Variants in ADGRL3 observed in about 807,000 individuals in gnomAD.
ADGRL3 encodes the protein adhesion G protein-coupled receptor L3.
In ADGRL3, 62 loss-of-function variants were observed where a neutral mutation model predicts 153.5. That is an observed-to-expected ratio of 0.40 (90% CI 0.33 to 0.50). The LOEUF (loss-of-function observed/expected upper bound fraction) is 0.50. Ranked by LOEUF, ADGRL3 falls within the 20% of genes least tolerant of loss-of-function variation. ADGRL3 has a pLI of 0.47. For missense variants in ADGRL3, 1,641 were observed against 1,859.4 expected, an observed-to-expected ratio of 0.88 and a Z score of 2.16; for synonymous variants, 710 against 672.5, an observed-to-expected ratio of 1.06 and a Z score of -0.86.
chr4:61,948,526 A>G (rs1017549483), intron 17 of ADGRL3, among the ~76,000 whole-genome samples: 3 of 152,126 alleles, frequency 2.0e-5, no homozygotes, highest in Admixed American at 1.3e-4. Flanking sequence ...TCTCCCTGTT[A>G]TTTTGTATAA....
chr4:61,989,592 A>C (rs1221041449), intron 19 of ADGRL3, among the ~76,000 whole-genome samples: 1 of 152,076 alleles, frequency 6.6e-6, no homozygotes, highest in East Asian at 1.9e-4. Flanking sequence ...TCATCCAGAA[A>C]GCCAATGATT....
chr4:61,750,571 C>A (rs906764253), intron 8 of ADGRL3, among the ~76,000 whole-genome samples: 1 of 152,022 alleles, frequency 6.6e-6, no homozygotes, highest in African/African-American at 2.4e-5. Flanking sequence ...GCGGGCGGAT[C>A]ACGAGGTCAG....
intron 5 of ADGRL3, among the ~76,000 whole-genome samples, chr4:61,635,039 G>A (rs6846991): frequency 0.91 from 137,962 of 152,144 alleles, 63,247 homozygotes; most frequent in Middle Eastern, 0.99. Context: ...TTAAGGAGCA[G>A]GCGTACTGAG....
intron 2 of ADGRL3, among the ~76,000 whole-genome samples, chr4:61,457,765 T>C (rs1433731122): frequency 6.6e-6 from 1 of 151,858 alleles, no homozygotes; most frequent in Admixed American, 6.6e-5. Flanking sequence ...TTTACTGACA[T>C]GTAAAATGAT....
At chr4:61,955,375 T>C (rs1333746757) in intron 17 of ADGRL3, among the ~76,000 whole-genome samples, 1 of 152,200 alleles carries the variant, frequency 6.6e-6, no homozygotes, top group African/African-American at 2.4e-5. Flanking sequence ...TACATAATAA[T>C]GAATGCTTAC....
At chr4:61,841,562 G>A (rs2098032990) in intron 9 of ADGRL3, among the ~76,000 whole-genome samples, 1 of 152,174 alleles carries the variant, frequency 6.6e-6, no homozygotes, top group African/African-American at 2.4e-5. Flanking sequence ...AAGGCAAAAA[G>A]ATTTGTTTTG....
At chr4:61,632,248 A>G (rs1379400437) in intron 5 of ADGRL3, among the ~76,000 whole-genome samples, 9 of 152,174 alleles carry the variant, frequency 5.9e-5, no homozygotes, top group African/African-American at 2.2e-4. Context: ...GACACTGGAA[A>G]TTTTTAAGGT....
intron 1 of ADGRL3, among the ~76,000 whole-genome samples, chr4:61,315,742 C>T (rs2150630207): frequency 6.6e-6 from 1 of 152,126 alleles, no homozygotes; most frequent in East Asian, 1.9e-4. Context: ...GTTTTTTAAA[C>T]CGCCATAAAA....
intron 8 of ADGRL3, among the ~76,000 whole-genome samples, chr4:61,773,235 G>T (rs1351766394): frequency 1.3e-5 from 2 of 152,114 alleles, no homozygotes; most frequent in South Asian, 2.1e-4. Flanking sequence ...GACTTTTTAA[G>T]CCCTGGACAA....
intron 1 of ADGRL3, among the ~76,000 whole-genome samples, chr4:61,254,198 C>T (rs1388068991): frequency 6.6e-6 from 1 of 152,082 alleles, no homozygotes; most frequent in Non-Finnish European, 1.5e-5. Context: ...GGTGAAAAAG[C>T]ATTCACCGTA....
In ADGRL3 at chr4:62,031,452, A is replaced by G. The variant is rs772231702; in HGVS notation, c.3433A>G (p.Ile1145Val). The part of the protein sequence containing the change: ...DNRPFIKSWV[I>V]GAIALLCLLG... ...CTCTTCTCTCTACAGGTCATGGGTT[A>G]TAGGTGCAATAGCTCTTCTCTGCCT... Residue 1145 changes from isoleucine (I) to valine (V), a missense_variant, in exon 23 of 27, where the codon ATA becomes GTA. Ile to Val is a conservative substitution (Grantham distance 29). Coordinates refer to ENST00000683033, the MANE Select transcript of ADGRL3 (RefSeq NM_001387552.1). The G allele has an allele frequency of 5.0e-6, 8 of 1,609,002 alleles. No individual in the cohort carries two copies. In the Admixed American group the frequency reaches 5.0e-5, roughly 10 times the overall value.
chr4:61,973,110 GTCTC>G (rs1277897565), intron 17 of ADGRL3, among the ~76,000 whole-genome samples: 2 of 151,744 alleles, frequency 1.3e-5, no homozygotes, highest in African/African-American at 4.8e-5. Flanking sequence ...TTTAAGATCT[GTCTC>G]TCTATCTCGT....
rs2098837233 is a variant in ADGRL3 at position 61,936,121 on chromosome 4, A to G, written c.2419+76A>G. 2.6e-6 allele frequency: 4 copies of G among 1,523,904 alleles called. No individual in the cohort carries two copies. In the South Asian group the frequency reaches 4.7e-5, roughly 18 times the overall value. 94.4% of individuals were successfully genotyped at this position (1,523,904 alleles called of 1,614,324 possible). ...TCATTTCTTTTTGGCCGGGAATATT[A>G]GGTCCACTATTTAGGAGCTTTTCCC... On this transcript the variant is annotated intron_variant, in intron 15 of 26. Transcript: ENST00000683033.
chr4:61,218,203 G>C (rs1317830556), intron 1 of ADGRL3, among the ~76,000 whole-genome samples: 2 of 152,192 alleles, frequency 1.3e-5, no homozygotes, highest in East Asian at 3.8e-4. Context: ...TTTAGGAAAA[G>C]CAACTTAGTG....
chr4:61,233,664 G>T (rs1415216820), intron 1 of ADGRL3, among the ~76,000 whole-genome samples: 2 of 152,188 alleles, frequency 1.3e-5, no homozygotes, highest in East Asian at 3.9e-4. Context: ...ACATGGAAAA[G>T]GCATGAATAA....
chr4:61,779,682 C>T (rs931166343), intron 8 of ADGRL3, among the ~76,000 whole-genome samples: 1 of 147,970 alleles, frequency 6.8e-6, no homozygotes, highest in Non-Finnish European at 1.5e-5. Flanking sequence ...ATTGTGTATT[C>T]CATAGCTACT....
At chr4:61,543,176 A>G (rs2098698748) in intron 4 of ADGRL3, among the ~76,000 whole-genome samples, 2 of 134,896 alleles carry the variant, frequency 1.5e-5, no homozygotes, top group Admixed American at 1.7e-4. Flanking sequence ...AAATATCCAC[A>G]TTTGAATCCC....
intron 4 of ADGRL3, among the ~76,000 whole-genome samples, chr4:61,547,993 T>G (rs2098721954): frequency 6.6e-6 from 1 of 151,926 alleles, no homozygotes; most frequent in African/African-American, 2.4e-5. Context: ...CTCTGATGAT[T>G]AGTGATGTTG....
chr4:62,035,592 G>A (rs890281204), intron 23 of ADGRL3, among the ~76,000 whole-genome samples: 2 of 151,962 alleles, frequency 1.3e-5, no homozygotes, highest in Non-Finnish European at 2.9e-5. Context: ...GCTTACTTTT[G>A]GTTAGAGATT....
Sources: allele counts gnomAD v4.1 joint callset (sites outside exome capture counted in the v4.1 genomes callset), GRCh38; gene constraint gnomAD v4.1.1; transcripts MANE v1.5; gene names NCBI Gene and HGNC (gene_info 2026-07-23, HGNC 2026-07-21).